BRD3: variants seen among roughly 807,000 people sequenced by gnomAD.
BRD3 encodes the protein bromodomain containing 3.
In BRD3, 17 loss-of-function variants were observed where a neutral mutation model predicts 66.8. The observed-to-expected ratio is 0.25, with a 90% CI of 0.17 to 0.38. The LOEUF (loss-of-function observed/expected upper bound fraction) is 0.38. Among genes scored for constraint, BRD3 ranks in the 10% least tolerant of loss-of-function variants. BRD3 has a pLI of 1.00. For missense variants in BRD3, 713 were observed against 956.1 expected, an observed-to-expected ratio of 0.75 and a Z score of 3.35; for synonymous variants, 421 against 393.2, an observed-to-expected ratio of 1.07 and a Z score of -0.84.
chr9:134,032,853 TTTA>T lies in BRD3; in HGVS notation c.*734_*736del, dbSNP rs200292598. ...AAAAAAAGTCTCCTTTTTTTTTTTT[TTTA>T]AATCTTTTCTTCTTTTTTTTTTTTT... On this transcript the variant is annotated 3_prime_UTR_variant, in exon 12 of 12. Coordinates refer to ENST00000303407, the MANE Select transcript of BRD3 (RefSeq NM_007371.4). 4,721 of 226,648 alleles carry T rather than the reference TTTA, an allele frequency of 0.021. 1 individual carries two copies. The highest frequency in any genetic ancestry group is 0.088 in the East Asian group (1,114 of 12,646). 14.0% of individuals were successfully genotyped at this position (226,648 alleles called of 1,614,324 possible).
intron 6 of BRD3, among the ~76,000 whole-genome samples, chr9:134,047,585 A>G (rs1191535029): frequency 1.3e-5 from 2 of 152,182 alleles, no homozygotes; most frequent in African/African-American, 4.8e-5. Context: ...TCTCGGTCTC[A>G]GCTCTGCCAC....
rs1830707173 is a variant in BRD3, at chr9:134,067,939, G to A, written c.-114+6C>T. On this transcript the variant is annotated splice_donor_region_variant and intron_variant, in intron 1 of 11. Transcript: ENST00000303407. ...GCGCGCGCAAGGAAGCAAGAGAAAGGCGTACTTGGCCTCGCGGCTCCGGCG... is the reference window on the plus strand; with the variant it reads ...GCGCGCGCAAGGAAGCAAGAGAAAGACGTACTTGGCCTCGCGGCTCCGGCG... The A allele has an allele frequency of 6.9e-6, 1 of 145,724 alleles. No individual in the cohort carries two copies. The highest frequency in any genetic ancestry group is 6.8e-5 in the Admixed American group (1 of 14,662). The allele number at this position is 145,724 out of a possible 1,614,324, so 9.0% of individuals were successfully genotyped here. A position where few individuals can be genotyped will look rare whatever the true frequency, so the allele number is the denominator to read the frequency against.
In BRD3 at chr9:134,030,371, A is replaced by G. The variant is rs781707774; in HGVS notation, c.*3219T>C. The G allele has an allele frequency of 1.9e-5, 3 of 156,236 alleles. No homozygotes were observed. The highest frequency in any genetic ancestry group is 3.9e-5 in the Non-Finnish European group (3 of 76,408). 9.7% of individuals were successfully genotyped at this position (156,236 alleles called of 1,614,324 possible). ...AACAAATGCCCCAGGAGAAGGGTCC[A>G]TGATTACCAGAAACATCAAAGAGTA... On this transcript the variant is annotated 3_prime_UTR_variant, in exon 12 of 12. Transcript: ENST00000303407.
In BRD3 at chr9:134,051,715, G is replaced by A; in HGVS notation, c.352-6C>T. On this transcript the variant is annotated splice_region_variant and splice_polypyrimidine_tract_variant and intron_variant, in intron 3 of 11. Transcript: ENST00000303407. The stretch of plus-strand genomic sequence containing the variant: ...AGCACTATGTCATCTGTGGGCTGAA[G>A]ACACAGAGAGTCCAGGTCACGTGTC... The A allele has an allele frequency of 1.3e-6, 2 of 1,591,052 alleles. No individual in the cohort carries two copies. Among genetic ancestry groups the A allele is most frequent in the South Asian group, 1.2e-5 (1 of 86,210 alleles).
chr9:134,051,886 TTTG>T (rs1554829381), intron 3 of BRD3, among the ~76,000 whole-genome samples, 177 bp from the exon 4 acceptor site: 4 of 55,080 alleles, frequency 7.3e-5, no homozygotes, highest in African/African-American at 1.5e-4. Context: ...TGTTGTTTTT[TTTG>T]TTTTTTTTTT....
rs764221473 is a variant in BRD3, at chr9:134,045,471, ACT to A, written c.1087-52_1087-51del. 9.3e-5 allele frequency: 149 copies of A among 1,608,262 alleles called. No individual in the cohort carries two copies. In the African/African-American group the frequency reaches 1.1e-3, roughly 12 times the overall value. The stretch of plus-strand genomic sequence containing the variant: ...AGTGAGCGTGGCCCGTGGCATCAGG[ACT>A]CTCTGCCACACCCCACGAGATGAAC... On this transcript the variant is annotated intron_variant, in intron 6 of 11. Coordinates refer to ENST00000303407, the MANE Select transcript of BRD3 (RefSeq NM_007371.4). The surrounding 1 kb of genome is among the most constrained non-coding windows in gnomAD (Gnocchi z 4.8).
intron 1 of BRD3, among the ~76,000 whole-genome samples, chr9:134,061,667 G>C (rs1297553547): frequency 6.6e-6 from 1 of 152,188 alleles, no homozygotes; most frequent in African/African-American, 2.4e-5. Context: ...ACTCTGTCCT[G>C]CGTCAGTGGG....
At chr9:134,044,344 C>A (rs572140523) in intron 7 of BRD3, among the ~76,000 whole-genome samples, 1 of 152,318 alleles carries the variant, frequency 6.6e-6, no homozygotes, top group East Asian at 1.9e-4. Context: ...GAGTTTCTCT[C>A]TCTGCCCCTT....
At chr9:134,038,448 T>A (rs185704542) in intron 9 of BRD3, among the ~76,000 whole-genome samples, 1 of 152,174 alleles carries the variant, frequency 6.6e-6, no homozygotes, top group East Asian at 1.9e-4. Context: ...AAATATTATA[T>A]CCCAACCAAC....
At chr9:134,058,044 G>A (rs1224585794) in intron 1 of BRD3, 1 of 152,340 alleles carries the variant, frequency 6.6e-6, no homozygotes, top group African/African-American at 2.4e-5. Flanking sequence ...GGCACACCAG[G>A]ATTCACAGCC....
At chr9:134,044,578 C>A (rs1027226719) in intron 7 of BRD3, among the ~76,000 whole-genome samples, 1 of 151,906 alleles carries the variant, frequency 6.6e-6, no homozygotes, top group Admixed American at 6.6e-5. Flanking sequence ...AAGCAAACCA[C>A]CTGCGATCAC....
At chr9:134,065,754 T>C (rs948839167) in intron 1 of BRD3, among the ~76,000 whole-genome samples, 2 of 152,194 alleles carry the variant, frequency 1.3e-5, no homozygotes, top group East Asian at 3.9e-4. Flanking sequence ...TGAGCCACCA[T>C]GCCTCAGGGA....
In BRD3 at chr9:134,036,166, G is replaced by T. The variant is rs371391133; in HGVS notation, c.1802C>A (p.Ser601Tyr). The T allele has an allele frequency of 8.1e-6, 13 of 1,614,136 alleles. No individual in the cohort carries two copies. The highest frequency in any genetic ancestry group is 1.0e-5 in the Non-Finnish European group (12 of 1,180,056). Reference protein sequence around the residue: ...KLGRVVHIIQSREPSLRDSNP... With the variant: ...KLGRVVHIIQYREPSLRDSNP... ...GGAGTCCCTGAGCGAGGGCTCCCGA[G>T]ATTGGATGATGTGCACTACCCGGCC... The change falls in exon 10 of 12, where the codon TCT (serine) becomes TAT (tyrosine). Residue 601 changes from serine (S) to tyrosine (Y), a missense_variant. Ser to Tyr is a moderately radical substitution (Grantham distance 144, BLOSUM62 -2). Transcript: ENST00000303407.
chr9:134,036,984 C>A (rs1263450700), intron 9 of BRD3, among the ~76,000 whole-genome samples: 1 of 151,820 alleles, frequency 6.6e-6, no homozygotes, highest in Non-Finnish European at 1.5e-5. Flanking sequence ...GCACTCCAGC[C>A]TGGGCGACAG....
Position 134,036,192 on chromosome 9 carries a change from C to T in BRD3, c.1776G>A (p.Leu592=), listed in dbSNP as rs201112315. ...LDINRLPGEK[L]GRVVHIIQSR... ...ATTGGATGATGTGCACTACCCGGCCCAGCTTCTCCCCGGGCAGCCGGTTGA... is the reference window on the plus strand; with the variant it reads ...ATTGGATGATGTGCACTACCCGGCCTAGCTTCTCCCCGGGCAGCCGGTTGA... The change falls in exon 10 of 12, where the codon CTG becomes CTA. Residue 592 remains leucine, a synonymous_variant. Transcript: ENST00000303407. The T allele has an allele frequency of 3.1e-6, 5 of 1,614,128 alleles. No individual in the cohort carries two copies. In the African/African-American group the frequency reaches 4.0e-5, roughly 13 times the overall value.
rs1830325398 is a variant in BRD3 at position 134,052,450 on chromosome 9, AAG to A, written c.214-9_214-8del. The A allele has an allele frequency of 6.3e-7, 1 of 1,596,954 alleles. No individual in the cohort carries two copies. The highest frequency in any genetic ancestry group is 1.3e-5 in the African/African-American group (1 of 74,462). On this transcript the variant is annotated splice_polypyrimidine_tract_variant and splice_region_variant and intron_variant, in intron 2 of 11. Transcript: ENST00000303407. The stretch of plus-strand genomic sequence containing the variant: ...TAATTATTTTATGATAATCCTAGGA[AAG>A]AGATTTTCAGAGGCATTACCAGAAG...
At chr9:134,047,922 C>T (rs545815032) in intron 6 of BRD3, 161 bp downstream of exon 6, 140 of 1,030,680 alleles carry the variant, frequency 1.4e-4, no homozygotes, top group Admixed American at 2.7e-4. Context: ...TGAGCCTTGC[C>T]AGCCACAGCC....
chr9:134,051,057 C>T (rs1447289334), intron 4 of BRD3, among the ~76,000 whole-genome samples: 4 of 152,212 alleles, frequency 2.6e-5, no homozygotes, highest in Non-Finnish European at 4.4e-5. Flanking sequence ...ATGCCGGGTT[C>T]CCAGGCCAGG....
intron 9 of BRD3, among the ~76,000 whole-genome samples, chr9:134,038,817 G>A (rs1168685342): frequency 6.6e-6 from 1 of 152,124 alleles, no homozygotes; most frequent in Non-Finnish European, 1.5e-5. Flanking sequence ...GGAGTATAAT[G>A]CAAATATTCC....
Sources: gnomAD v4.1 joint callset for allele counts (sites outside exome capture counted in the v4.1 genomes callset) on GRCh38, gnomAD v4.1.1 for gene constraint, Gnocchi (gnomAD v3.1) non-coding constraint, MANE v1.5 for transcripts, NCBI Gene and HGNC (gene_info 2026-07-23, HGNC 2026-07-21) for gene names.